NTM: variants seen among roughly 807,000 people sequenced by gnomAD.
The protein encoded by NTM is neurotrimin, also known as IgLON family member 2.
Under a neutral mutation model 42.1 loss-of-function variants are expected in NTM, and 13 were observed. The observed-to-expected ratio is 0.31, with a 90% CI of 0.20 to 0.49. The LOEUF is 0.49. Ranked by LOEUF, NTM falls within the 20% of genes least tolerant of loss-of-function variation. The pLI, the probability that NTM is intolerant of heterozygous loss-of-function variation, is 0.99. For missense variants in NTM, 373 were observed against 452.8 expected (o/e 0.82, Z 1.60); for synonymous variants, 187 against 179.2 (o/e 1.04, Z -0.35).
intron 1 of NTM, among the ~76,000 whole-genome samples, chr11:131,530,400 A>G (rs1468602216): frequency 1.3e-5 from 2 of 149,028 alleles, no homozygotes; most frequent in Non-Finnish European, 2.9e-5. Flanking sequence ...TGTGAAAGTC[A>G]TCTAGTAAAG....
At chr11:132,312,805 C>G (rs2095317672) in intron 6 of NTM, 1 of 154,852 alleles carries the variant, frequency 6.5e-6, no homozygotes, top group Middle Eastern at 5.2e-4. Flanking sequence ...GACAGCACCC[C>G]CTAGAGGATC....
chr11:131,669,124 C>T (rs1424342655), intron 1 of NTM, among the ~76,000 whole-genome samples: 1 of 152,108 alleles, frequency 6.6e-6, no homozygotes, highest in Non-Finnish European at 1.5e-5. Context: ...CAGGGCTGTC[C>T]ACTCTAGTCA....
intron 2 of NTM, among the ~76,000 whole-genome samples, chr11:132,082,284 G>C (rs775530469): frequency 6.6e-6 from 1 of 152,068 alleles, no homozygotes; most frequent in African/African-American, 2.4e-5. Context: ...AATTTATTAA[G>C]TGAAAGGAAA....
At chr11:131,398,807 C>G (rs1402417989) in intron 1 of NTM, among the ~76,000 whole-genome samples, 2 of 152,170 alleles carry the variant, frequency 1.3e-5, no homozygotes, top group Non-Finnish European at 2.9e-5. Context: ...GTTAGTAAAA[C>G]AACACAGACC....
At chr11:131,858,072 A>C (rs983152848) in intron 1 of NTM, among the ~76,000 whole-genome samples, 8 of 149,276 alleles carry the variant, frequency 5.4e-5, no homozygotes, top group Admixed American at 2.0e-4. Flanking sequence ...TCCAGTCTAC[A>C]TTTTATCATA....
At chr11:132,039,150 A>C (rs1306636835) in intron 2 of NTM, among the ~76,000 whole-genome samples, 1 of 152,038 alleles carries the variant, frequency 6.6e-6, no homozygotes, top group African/African-American at 2.4e-5. Flanking sequence ...TCTGTGCTCC[A>C]ACCTTGCCTT....
chr11:132,083,236 G>A (rs186873685), intron 2 of NTM, among the ~76,000 whole-genome samples: 87 of 152,296 alleles, frequency 5.7e-4, no homozygotes, highest in Non-Finnish European at 1.0e-3. Flanking sequence ...AATGAGTCTA[G>A]AATTTAATGA....
intron 3 of NTM, among the ~76,000 whole-genome samples, chr11:132,174,946 T>G (rs929793170): frequency 6.6e-6 from 1 of 152,066 alleles, no homozygotes; most frequent in Non-Finnish European, 1.5e-5. Flanking sequence ...GGACGAATAT[T>G]TCTGGGTAAC....
intron 1 of NTM, among the ~76,000 whole-genome samples, chr11:131,549,791 G>C (rs1165227731): frequency 6.6e-6 from 1 of 152,146 alleles, no homozygotes; most frequent in Admixed American, 6.5e-5. Context: ...AGAGGCTGGG[G>C]AAAAAATAAA....
chr11:131,987,738 G>A (rs1426049086), intron 2 of NTM, among the ~76,000 whole-genome samples: 1 of 152,168 alleles, frequency 6.6e-6, no homozygotes, highest in Non-Finnish European at 1.5e-5. Context: ...CAAATGCTCT[G>A]TATTTTATGA....
intron 3 of NTM, among the ~76,000 whole-genome samples, chr11:132,205,049 T>C (rs971585024): frequency 3.9e-5 from 6 of 152,200 alleles, no homozygotes; most frequent in Admixed American, 1.3e-4. Flanking sequence ...ATTTGTCCCA[T>C]TAATTCTGTA....
At chr11:131,623,783 G>T (rs2062817264) in intron 1 of NTM, among the ~76,000 whole-genome samples, 1 of 152,206 alleles carries the variant, frequency 6.6e-6, no homozygotes, top group African/African-American at 2.4e-5. Context: ...CAATGTGTAG[G>T]CTGGGAATGG....
intron 1 of NTM, among the ~76,000 whole-genome samples, chr11:131,597,130 G>A (rs551671898): frequency 5.1e-4 from 77 of 152,172 alleles, no homozygotes; most frequent in East Asian, 1.5e-3. Context: ...CTTTGGCAAC[G>A]CCCTCACACA....
chr11:131,526,564 T>A (rs2050514181), intron 1 of NTM, among the ~76,000 whole-genome samples: 1 of 152,230 alleles, frequency 6.6e-6, no homozygotes, highest in Non-Finnish European at 1.5e-5. Context: ...TGTCAGCTTC[T>A]CCTTATCTCT....
intron 2 of NTM, among the ~76,000 whole-genome samples, chr11:131,922,443 A>C (rs1272732014): frequency 6.6e-6 from 1 of 152,134 alleles, no homozygotes; most frequent in Non-Finnish European, 1.5e-5. Context: ...CGCAAGGCCC[A>C]CTGGACCACG....
chr11:131,762,067 C>T (rs903368415), intron 1 of NTM, among the ~76,000 whole-genome samples: 50 of 152,134 alleles, frequency 3.3e-4, no homozygotes, highest in African/African-American at 1.2e-3. Flanking sequence ...GTTGTTGAAG[C>T]CAACCTGTGG....
chr11:131,910,705 C>T (rs1040741354), intron 1 of NTM: 9 of 381,900 alleles, frequency 2.4e-5, no homozygotes, highest in Non-Finnish European at 2.9e-5. Flanking sequence ...TGCGCCGCGC[C>T]TTCCCCAGCG....
At chr11:131,906,381 C>T (rs1465122676) in intron 1 of NTM, among the ~76,000 whole-genome samples, 1 of 152,058 alleles carries the variant, frequency 6.6e-6, no homozygotes, top group Admixed American at 6.6e-5. Flanking sequence ...CTGGATTGGC[C>T]AGTTTATAAA....
intron 1 of NTM, among the ~76,000 whole-genome samples, chr11:131,742,305 C>G (rs1442375731): frequency 1.3e-5 from 2 of 152,140 alleles, no homozygotes; most frequent in African/African-American, 2.4e-5. Flanking sequence ...CTTTGGAAAA[C>G]ATTTCCAAAC....
Sources: allele counts gnomAD v4.1 joint callset (sites outside exome capture counted in the v4.1 genomes callset), GRCh38; gene constraint gnomAD v4.1.1; transcripts MANE v1.5; gene names NCBI Gene and HGNC (gene_info 2026-07-23, HGNC 2026-07-21).